The following FMN1 variants were observed in gnomAD, a reference collection of about 807,000 sequenced individuals.
FMN1 encodes the protein formin 1.
Under a neutral mutation model 132.4 loss-of-function variants are expected in FMN1, and 110 were observed. That is an observed-to-expected ratio of 0.83 (90% confidence interval 0.71 to 0.97). The LOEUF (loss-of-function observed/expected upper bound fraction) is 0.97. Ranked by LOEUF, FMN1 falls within the 50% of genes least tolerant of loss-of-function variation. The pLI is 0.00. For missense variants in FMN1, 1,792 were observed against 1,705.3 expected (o/e 1.05, Z -0.90); for synonymous variants, 722 against 651.7 (o/e 1.11, Z -1.64).
chr15:33,138,999 C>T (rs753452319), intron 4 of FMN1, among the ~76,000 whole-genome samples: 8 of 152,110 alleles, frequency 5.3e-5, no homozygotes, highest in Non-Finnish European at 8.8e-5. Context: ...GGCACACTGG[C>T]CATACCAAGC....
intron 5 of FMN1, among the ~76,000 whole-genome samples, chr15:33,073,342 T>TA (rs1479306399): frequency 1.3e-5 from 2 of 152,196 alleles, no homozygotes; most frequent in Non-Finnish European, 2.9e-5. Context: ...GTAGTTCAAA[T>TA]AGCTTCATGC....
At chr15:32,992,111 A>C (rs2033470931) in intron 7 of FMN1, among the ~76,000 whole-genome samples, 1 of 152,124 alleles carries the variant, frequency 6.6e-6, no homozygotes. Context: ...CCAGATTTGT[A>C]ATGCAATCTT....
intron 16 of FMN1, among the ~76,000 whole-genome samples, chr15:32,860,343 G>C (rs758644286): frequency 2.8e-4 from 43 of 152,122 alleles, no homozygotes; most frequent in Non-Finnish European, 5.3e-4. Flanking sequence ...CTCACGTGTA[G>C]GAAAGTTTAA....
intron 5 of FMN1, among the ~76,000 whole-genome samples, chr15:33,083,775 G>A (rs1356675258): frequency 6.6e-6 from 1 of 152,072 alleles, no homozygotes. Flanking sequence ...TTAGTCACAG[G>A]ATAAAAAAGA....
intron 6 of FMN1, among the ~76,000 whole-genome samples, chr15:33,040,135 A>G (rs543920316): frequency 5.9e-5 from 9 of 152,300 alleles, no homozygotes; most frequent in African/African-American, 2.2e-4. Context: ...ATCATTCATA[A>G]TAAACTAAAA....
chr15:33,124,314 G>A (rs902214088), intron 4 of FMN1, among the ~76,000 whole-genome samples: 3 of 152,186 alleles, frequency 2.0e-5, no homozygotes, highest in African/African-American at 4.8e-5. Context: ...TGAGAAGGGG[G>A]TCTGGTCAGC....
At chr15:32,985,182 A>T (rs1057496476) in intron 7 of FMN1, among the ~76,000 whole-genome samples, 1 of 152,112 alleles carries the variant, frequency 6.6e-6, no homozygotes, top group Non-Finnish European at 1.5e-5. Flanking sequence ...AAAAATGCTC[A>T]CATAGATAAC....
At chr15:33,184,120 T>C (rs1965797284) in intron 2 of FMN1, among the ~76,000 whole-genome samples, 1 of 152,204 alleles carries the variant, frequency 6.6e-6, no homozygotes, top group Non-Finnish European at 1.5e-5. Flanking sequence ...ATAAACAGCA[T>C]CTCTATTCAT....
intron 5 of FMN1, among the ~76,000 whole-genome samples, chr15:33,085,193 T>C (rs991524856): frequency 6.6e-6 from 1 of 152,162 alleles, no homozygotes; most frequent in Non-Finnish European, 1.5e-5. Flanking sequence ...TTTATGAGAT[T>C]TGCACCCATC....
intron 16 of FMN1, among the ~76,000 whole-genome samples, chr15:32,886,643 C>T (rs1178593456): frequency 2.0e-5 from 3 of 152,114 alleles, no homozygotes; most frequent in Admixed American, 6.6e-5. Context: ...GATCAGGTTT[C>T]GGCTCAAAGA....
intron 6 of FMN1, among the ~76,000 whole-genome samples, chr15:33,016,546 G>C (rs753262112): frequency 6.6e-6 from 1 of 152,248 alleles, no homozygotes; most frequent in Non-Finnish European, 1.5e-5. Context: ...TAGATTCAAA[G>C]GCAGTGAAGT....
At chr15:32,902,401 C>A (rs1178095691) in intron 12 of FMN1, among the ~76,000 whole-genome samples, 5 of 152,124 alleles carry the variant, frequency 3.3e-5, no homozygotes, top group African/African-American at 1.2e-4. Context: ...GCAATAAACT[C>A]CCTCATAATG....
At chr15:33,006,008 G>A (rs889464739) in intron 7 of FMN1, among the ~76,000 whole-genome samples, 14 of 151,972 alleles carry the variant, frequency 9.2e-5, no homozygotes, top group African/African-American at 3.4e-4. Flanking sequence ...GGATGGGTAG[G>A]GCTTGAATTC....
intron 7 of FMN1, among the ~76,000 whole-genome samples, chr15:32,999,342 T>C (rs1307674255): frequency 6.6e-6 from 1 of 152,244 alleles, no homozygotes; most frequent in African/African-American, 2.4e-5. Context: ...TCAGCTCAAA[T>C]AGAGTCTGCA....
Position 32,798,957 on chromosome 15 carries a change from C to T in FMN1, c.3981-4G>A. The T allele has an allele frequency of 6.2e-7, 1 of 1,612,154 alleles. No individual in the cohort carries two copies. On this transcript the variant is annotated splice_region_variant and splice_polypyrimidine_tract_variant and intron_variant, in intron 18 of 20. Coordinates refer to ENST00000616417, the MANE Select transcript of FMN1 (RefSeq NM_001277313.2). The stretch of plus-strand genomic sequence containing the variant: ...ATATCGTACTGTTGTTTCAAAACTG[C>T]AACAGGTAGGGGGGAAAATGGAATG...
intron 18 of FMN1, among the ~76,000 whole-genome samples, chr15:32,804,029 T>C (rs1425275306): frequency 6.6e-6 from 1 of 152,050 alleles, no homozygotes; most frequent in Non-Finnish European, 1.5e-5. Flanking sequence ...CAAGGACAAA[T>C]ACTGGATGAC....
rs147514508 is a variant in FMN1, at chr15:33,118,700, T to C, written c.1868-29726A>G. 4.0e-3 allele frequency among the ~76,000 whole-genome samples: 606 copies of C among 152,264 alleles called. 4 individuals are homozygous for C. Among genetic ancestry groups the C allele is most frequent in the African/African-American group, 0.014 (591 of 41,564 alleles). ...AAGCATGATTTAAACAATTTCCATA[T>C]GAAATATTAGATACAAATATTTTCA... On this transcript the variant is annotated intron_variant, in intron 4 of 20. Transcript: ENST00000616417.
At chr15:32,997,787 A>T (rs1325159105) in intron 7 of FMN1, among the ~76,000 whole-genome samples, 1 of 152,200 alleles carries the variant, frequency 6.6e-6, no homozygotes, top group Non-Finnish European at 1.5e-5. Flanking sequence ...TTACACTTCC[A>T]AAGCTGCTGC....
intron 15 of FMN1, among the ~76,000 whole-genome samples, chr15:32,895,843 C>T (rs900189510): frequency 2.0e-5 from 3 of 151,924 alleles, no homozygotes; most frequent in African/African-American, 7.3e-5. Flanking sequence ...TGAGATACTA[C>T]AGTATTTTAA....
Sources: gnomAD v4.1 joint callset for allele counts (sites outside exome capture counted in the v4.1 genomes callset) on GRCh38, gnomAD v4.1.1 for gene constraint, MANE v1.5 for transcripts, NCBI Gene and HGNC (gene_info 2026-07-23, HGNC 2026-07-21) for gene names.